Variants in CSMD1 observed in about 807,000 individuals in gnomAD.
CSMD1 encodes CUB and sushi domain-containing protein 1.
CSMD1 carries 213 observed loss-of-function variants against 417.5 expected under a neutral mutation model. The ratio of observed to expected loss-of-function variants is 0.51; its 90% confidence interval spans 0.46 to 0.57. CSMD1 has a LOEUF of 0.57. Ranked by LOEUF, CSMD1 falls within the 20% of genes least tolerant of loss-of-function variation. The pLI is 0.00. For missense variants in CSMD1, 6,923 were observed against 4,529.7 expected (o/e 1.53, Z -15.17); for synonymous variants, 2,862 against 1,736.8 (o/e 1.65, Z -16.11).
At chr8:3,803,818 C>G (rs1273983756) in intron 5 of CSMD1, among the ~76,000 whole-genome samples, 1 of 152,178 alleles carries the variant, frequency 6.6e-6, no homozygotes, top group African/African-American at 2.4e-5. Flanking sequence ...GAGAATGGAC[C>G]ACTGTAGACA....
At chr8:3,126,822 T>A (rs1585416228) in intron 41 of CSMD1, among the ~76,000 whole-genome samples, 1 of 152,130 alleles carries the variant, frequency 6.6e-6, no homozygotes, top group Non-Finnish European at 1.5e-5. Context: ...ACTACAGGCT[T>A]ATACATCAAT....
At chr8:4,840,435 CTA>C (rs1161382856) in intron 1 of CSMD1, among the ~76,000 whole-genome samples, 1 of 152,122 alleles carries the variant, frequency 6.6e-6, no homozygotes, top group Non-Finnish European at 1.5e-5. Flanking sequence ...ATGTTGAAGA[CTA>C]TAGTCAGTTC....
chr8:3,983,954 G>A lies in CSMD1; in HGVS notation c.818+13949C>T, dbSNP rs187525097. The stretch of plus-strand genomic sequence containing the variant: ...GTCAATTGCAACTCTAGAGCACATT[G>A]CAGATCTGATGGGGCTGTCAATTGC... On this transcript the variant is annotated intron_variant, in intron 5 of 69. Transcript: ENST00000635120. 1.6e-4 allele frequency among the ~76,000 whole-genome samples: 24 copies of A among 152,218 alleles called. No homozygotes were observed. The East Asian group carries it at 4.6e-3, about 29-fold the overall frequency.
chr8:3,954,620 C>T (rs892127407), intron 5 of CSMD1, among the ~76,000 whole-genome samples: 1 of 152,234 alleles, frequency 6.6e-6, no homozygotes, highest in Non-Finnish European at 1.5e-5. Context: ...CCTTGGCCTC[C>T]CAAAGTTTTG....
At chr8:4,874,564 A>AT (rs1207264266) in intron 1 of CSMD1, among the ~76,000 whole-genome samples, 1 of 151,098 alleles carries the variant, frequency 6.6e-6, no homozygotes, top group Non-Finnish European at 1.5e-5. Context: ...TAATTTTTGT[A>AT]TTTTTTAGTA....
intron 3 of CSMD1, among the ~76,000 whole-genome samples, chr8:4,310,256 G>T (rs1382386595): frequency 6.6e-6 from 1 of 152,152 alleles, no homozygotes; most frequent in Admixed American, 6.6e-5. Flanking sequence ...AGAAAAATAT[G>T]AAGTTAGAAC....
intron 1 of CSMD1, among the ~76,000 whole-genome samples, chr8:4,705,807 G>C (rs552274523): frequency 2.1e-4 from 32 of 152,140 alleles, no homozygotes; most frequent in African/African-American, 6.0e-4. Flanking sequence ...GTCTAGTTCT[G>C]GGAGAAAGAT....
chr8:4,307,046 T>C (rs538799320), intron 3 of CSMD1, among the ~76,000 whole-genome samples: 1 of 152,242 alleles, frequency 6.6e-6, no homozygotes, highest in East Asian at 1.9e-4. Flanking sequence ...CTGTGGGGTT[T>C]ATGGTATCCT....
chr8:3,797,411 T>C (rs1800219268), intron 5 of CSMD1, among the ~76,000 whole-genome samples: 1 of 151,998 alleles, frequency 6.6e-6, no homozygotes, highest in Non-Finnish European at 1.5e-5. Flanking sequence ...GGAAATTTCA[T>C]TTTTCCTCTT....
At chr8:4,482,485 C>T (rs1364874867) in intron 2 of CSMD1, among the ~76,000 whole-genome samples, 1 of 152,214 alleles carries the variant, frequency 6.6e-6, no homozygotes, top group East Asian at 1.9e-4. Context: ...TTTCTCTACC[C>T]AGTCTATTAT....
At chr8:3,641,304 G>A (rs1307805624) in intron 7 of CSMD1, among the ~76,000 whole-genome samples, 1 of 152,060 alleles carries the variant, frequency 6.6e-6, no homozygotes, top group African/African-American at 2.4e-5. Context: ...CTGTGCAGGT[G>A]GAGAACGGGT....
intron 4 of CSMD1, among the ~76,000 whole-genome samples, chr8:4,028,138 G>C (rs537748250): frequency 3.3e-5 from 5 of 152,248 alleles, no homozygotes; most frequent in African/African-American, 7.2e-5. Flanking sequence ...AACATGAAGA[G>C]AAAATGAGCA....
chr8:3,605,099 A>C (rs1431395551), intron 8 of CSMD1, among the ~76,000 whole-genome samples: 5 of 152,248 alleles, frequency 3.3e-5, no homozygotes, highest in Middle Eastern at 3.4e-3. Flanking sequence ...GGTTCAAGTG[A>C]TTCTCCTGCC....
In CSMD1 at chr8:4,048,838, A is replaced by G. The variant is rs1461620141; in HGVS notation, c.416-16739T>C. On this transcript the variant is annotated intron_variant, in intron 3 of 69. Transcript: ENST00000635120. ...CTTTATTCACTCAATAGTACACCTT[A>G]GAAGCCTGTGTTCAATACAGATAGA... Among the ~76,000 whole-genome samples, 5 of 152,246 alleles carry G rather than the reference A, an allele frequency of 3.3e-5. No homozygotes were observed. In the East Asian group the frequency reaches 9.6e-4, roughly 29 times the overall value.
intron 3 of CSMD1, among the ~76,000 whole-genome samples, chr8:4,362,065 A>C (rs752749708): frequency 1.3e-5 from 2 of 152,196 alleles, no homozygotes; most frequent in Non-Finnish European, 2.9e-5. Context: ...CTGTGAAAAT[A>C]AAGGCTGAGA....
At chr8:4,976,334 C>T (rs189475203) in intron 1 of CSMD1, among the ~76,000 whole-genome samples, 120 of 152,276 alleles carry the variant, frequency 7.9e-4, no homozygotes, top group South Asian at 2.1e-3. Context: ...TTCCTTCTCT[C>T]AGTTTCTTTC....
chr8:3,629,499 C>G (rs1343368351), intron 7 of CSMD1, among the ~76,000 whole-genome samples: 2 of 152,122 alleles, frequency 1.3e-5, no homozygotes, highest in Non-Finnish European at 2.9e-5. Flanking sequence ...CCTAGCATTG[C>G]TCAATAAAGA....
At chr8:4,005,634 A>G (rs1359137334) in intron 4 of CSMD1, among the ~76,000 whole-genome samples, 1 of 152,224 alleles carries the variant, frequency 6.6e-6, no homozygotes, top group Admixed American at 6.5e-5. Flanking sequence ...TTGAGAGAAC[A>G]TAGGGTGTCT....
intron 3 of CSMD1, among the ~76,000 whole-genome samples, chr8:4,256,933 C>G (rs1803500334): frequency 1.3e-5 from 2 of 152,186 alleles, no homozygotes; most frequent in African/African-American, 4.8e-5. Flanking sequence ...CTTCCGCTTT[C>G]CCTCCGTGGG....
Sources: gnomAD v4.1 joint callset for allele counts (sites outside exome capture counted in the v4.1 genomes callset) on GRCh38, gnomAD v4.1.1 for gene constraint, MANE v1.5 for transcripts, NCBI Gene and HGNC (gene_info 2026-07-23, HGNC 2026-07-21) for gene names.